KLHL3: variants seen among roughly 807,000 people sequenced by gnomAD.
KLHL3 encodes kelch-like protein 3.
KLHL3 carries 19 observed loss-of-function variants against 70.5 expected under a neutral mutation model. The observed-to-expected ratio is 0.27, with a 90% CI of 0.19 to 0.40. The LOEUF (loss-of-function observed/expected upper bound fraction) is 0.40. KLHL3 is among the 10% of genes least tolerant of loss of function. The pLI is 1.00. For synonymous variants in KLHL3, 258 were observed against 290.3 expected (o/e 0.89, Z 1.13); for missense variants, 512 against 771.1 (o/e 0.66, Z 3.98).
intron 4 of KLHL3, among the ~76,000 whole-genome samples, chr5:137,696,766 G>A (rs190637581): frequency 6.6e-6 from 1 of 152,228 alleles, no homozygotes; most frequent in East Asian, 1.9e-4. Context: ...AGTTTCTTCA[G>A]CTGTAAAGGA....
At chr5:137,703,951 CAAT>C (rs1327067900) in intron 3 of KLHL3, among the ~76,000 whole-genome samples, 1 of 151,818 alleles carries the variant, frequency 6.6e-6, no homozygotes, top group Non-Finnish European at 1.5e-5. Context: ...ACGTGCTCTA[CAAT>C]AATAAAAGTA....
At chr5:137,706,308 A>G in intron 3 of KLHL3, 1 of 985,414 alleles carries the variant, frequency 1.0e-6, no homozygotes, top group Non-Finnish European at 1.2e-6. Context: ...CTCAGTACAC[A>G]ATGCATTTTA....
chr5:137,725,605 A>G (rs566422430), intron 1 of KLHL3, among the ~76,000 whole-genome samples: 192 of 152,368 alleles, frequency 1.3e-3, no homozygotes, highest in Non-Finnish European at 2.0e-3. Context: ...AGTATGGGCC[A>G]GGCAGAATCT....
At chr5:137,659,062 C>A (rs1751411944) in intron 7 of KLHL3, among the ~76,000 whole-genome samples, 2 of 152,208 alleles carry the variant, frequency 1.3e-5, no homozygotes, top group Non-Finnish European at 2.9e-5. Flanking sequence ...CAATCCCCAC[C>A]TTTTGGCCCA....
At position 137,621,914 on chromosome 5, in the gene KLHL3, A is replaced by C; in HGVS notation, c.*184T>G. The stretch of plus-strand genomic sequence containing the variant: ...GCATAGGCCAGAGCACCTCAGGGGA[A>C]CGGGGGTGGGTAATGGTGTCCACAC... On this transcript the variant is annotated 3_prime_UTR_variant, in exon 15 of 15. Transcript: ENST00000309755. 4 of 656,766 alleles carry C rather than the reference A, an allele frequency of 6.1e-6. No homozygotes were observed. The highest frequency in any genetic ancestry group is 2.7e-5 in the East Asian group (1 of 36,868). The allele number at this position is 656,766 out of a possible 1,614,324, so 40.7% of individuals were successfully genotyped here. A position where few individuals can be genotyped will look rare whatever the true frequency, so the allele number is the denominator to read the frequency against.
intron 5 of KLHL3, among the ~76,000 whole-genome samples, chr5:137,683,111 G>A (rs1017480716): frequency 3.3e-5 from 5 of 152,146 alleles, no homozygotes; most frequent in African/African-American, 9.7e-5. Context: ...GCCTGGGAAT[G>A]TATCACCCAA....
intron 8 of KLHL3, among the ~76,000 whole-genome samples, chr5:137,656,102 C>A (rs1307785238): frequency 2.0e-5 from 3 of 151,482 alleles, no homozygotes; most frequent in African/African-American, 4.9e-5. Flanking sequence ...AATACAAATG[C>A]CGATAATCAT....
intron 1 of KLHL3, among the ~76,000 whole-genome samples, chr5:137,725,276 C>T (rs763126802): frequency 6.6e-6 from 1 of 152,178 alleles, no homozygotes; most frequent in Non-Finnish European, 1.5e-5. Flanking sequence ...AAATCACACA[C>T]ACACACACGT....
At chr5:137,667,470 A>C (rs972774129) in intron 6 of KLHL3, among the ~76,000 whole-genome samples, 1 of 152,202 alleles carries the variant, frequency 6.6e-6, no homozygotes, top group Non-Finnish European at 1.5e-5. Flanking sequence ...TGTCAAGTGG[A>C]AAGGAGTTGG....
intron 6 of KLHL3, among the ~76,000 whole-genome samples, chr5:137,676,601 G>T (rs1328919967): frequency 6.6e-6 from 1 of 152,122 alleles, no homozygotes; most frequent in Non-Finnish European, 1.5e-5. Context: ...AATACTGATT[G>T]AACACCTACT....
At chr5:137,703,655 C>T (rs1049320584) in intron 3 of KLHL3, among the ~76,000 whole-genome samples, 1 of 152,100 alleles carries the variant, frequency 6.6e-6, no homozygotes, top group African/African-American at 2.4e-5. Context: ...CTCTGTTCTG[C>T]CTTTATCCCA....
intron 6 of KLHL3, among the ~76,000 whole-genome samples, chr5:137,673,459 TG>T (rs1455449121): frequency 6.6e-6 from 1 of 152,112 alleles, no homozygotes; most frequent in African/African-American, 2.4e-5. Flanking sequence ...AATGAACTAG[TG>T]ATTTTGTGTG....
chr5:137,621,890 C>T lies in KLHL3; in HGVS notation c.*208G>A. 1 of 615,790 alleles carries T rather than the reference C, an allele frequency of 1.6e-6. No homozygotes were observed. Among genetic ancestry groups the T allele is most frequent in the South Asian group, 2.0e-5 (1 of 50,728 alleles). 38.1% of individuals were successfully genotyped at this position (615,790 alleles called of 1,614,324 possible). A position where few individuals can be genotyped will look rare whatever the true frequency, so the allele number is the denominator to read the frequency against. On this transcript the variant is annotated 3_prime_UTR_variant, in exon 15 of 15. Coordinates refer to ENST00000309755, the MANE Select transcript of KLHL3 (RefSeq NM_017415.3). ...ATGTCAAGACCCCCCTTGCTCAGGGCATAGGCCAGAGCACCTCAGGGGAAC... is the reference window on the plus strand; with the variant it reads ...ATGTCAAGACCCCCCTTGCTCAGGGTATAGGCCAGAGCACCTCAGGGGAAC...
At chr5:137,624,525 TA>T (rs1318379786) in intron 14 of KLHL3, among the ~76,000 whole-genome samples, 1 of 152,196 alleles carries the variant, frequency 6.6e-6, no homozygotes, top group Non-Finnish European at 1.5e-5. Context: ...TAAAGTTCAT[TA>T]CAACAGAAGT....
rs530535806 is a variant in KLHL3, at chr5:137,652,705, T to C, written c.903+5426A>G. ...GATGTTGACCAAAGGATATGAAATT[T>C]CAGTGAGATGGGAGAAATACCTTCA... On this transcript the variant is annotated intron_variant, in intron 8 of 14. Transcript: ENST00000309755. 2.6e-5 allele frequency among the ~76,000 whole-genome samples: 4 copies of C among 152,302 alleles called. No homozygotes were observed. The East Asian group carries it at 7.7e-4, about 29-fold the overall frequency.
intron 8 of KLHL3, among the ~76,000 whole-genome samples, chr5:137,655,945 C>A (rs1005746483): frequency 2.0e-4 from 28 of 140,970 alleles, no homozygotes; most frequent in Non-Finnish European, 3.6e-4. Flanking sequence ...GAGCTGAGAT[C>A]ACTCCACTGC....
At chr5:137,716,277 TG>T (rs1390242345) in intron 2 of KLHL3, among the ~76,000 whole-genome samples, 1 of 152,122 alleles carries the variant, frequency 6.6e-6, no homozygotes, top group East Asian at 1.9e-4. Context: ...CTCAGATTTC[TG>T]GGCTCAAGTG....
At chr5:137,668,265 C>T (rs1411140584) in intron 6 of KLHL3, among the ~76,000 whole-genome samples, 1 of 152,132 alleles carries the variant, frequency 6.6e-6, no homozygotes, top group Non-Finnish European at 1.5e-5. Flanking sequence ...CAAAAATTAG[C>T]TGGGCGTGGT....
intron 8 of KLHL3, among the ~76,000 whole-genome samples, chr5:137,654,293 G>C (rs995357095): frequency 6.6e-6 from 1 of 152,110 alleles, no homozygotes; most frequent in Non-Finnish European, 1.5e-5. Context: ...TCTTTAAACC[G>C]CTAACAAAAC....
Sources: allele counts gnomAD v4.1 joint callset (sites outside exome capture counted in the v4.1 genomes callset), GRCh38; gene constraint gnomAD v4.1.1; transcripts MANE v1.5; gene names NCBI Gene and HGNC (gene_info 2026-07-23, HGNC 2026-07-21).